Variants in SCAMP1 observed in about 807,000 individuals in gnomAD.
SCAMP1 encodes the protein secretory carrier-associated membrane protein 1.
In SCAMP1, 15 loss-of-function variants were observed where a neutral mutation model predicts 41.8. The observed-to-expected ratio is 0.36, with a 90% CI of 0.24 to 0.55. The LOEUF (loss-of-function observed/expected upper bound fraction) is 0.55. Ranked by LOEUF, SCAMP1 falls within the 20% of genes least tolerant of loss-of-function variation. The pLI, the probability that SCAMP1 is intolerant of heterozygous loss-of-function variation, is 0.86. For synonymous variants in SCAMP1, 135 were observed against 136.8 expected (o/e 0.99, Z 0.09); for missense variants, 341 against 412.6 (o/e 0.83, Z 1.50).
intron 1 of SCAMP1, among the ~76,000 whole-genome samples, chr5:78,366,020 G>T (rs1750786294): frequency 6.6e-6 from 1 of 152,160 alleles, no homozygotes; most frequent in African/African-American, 2.4e-5. Flanking sequence ...TGGAGGCTAG[G>T]AAGTCCAAGA....
chr5:78,450,402 A>G (rs1199638465), intron 7 of SCAMP1, among the ~76,000 whole-genome samples: 2 of 152,222 alleles, frequency 1.3e-5, no homozygotes, highest in Non-Finnish European at 2.9e-5. Context: ...CCTATTATGT[A>G]TAAAGCCCTA....
intron 8 of SCAMP1, among the ~76,000 whole-genome samples, chr5:78,474,910 G>A (rs1412998141): frequency 6.6e-6 from 1 of 152,132 alleles, no homozygotes; most frequent in Non-Finnish European, 1.5e-5. Context: ...TAATCAGTAT[G>A]GAGAAACAAT....
chr5:78,393,096 T>A (rs1751561004), intron 2 of SCAMP1, among the ~76,000 whole-genome samples: 1 of 152,186 alleles, frequency 6.6e-6, no homozygotes, highest in South Asian at 2.1e-4. Context: ...ATTGTTTTCT[T>A]CTGTACTTAA....
Position 78,388,978 on chromosome 5 carries a change from G to A in SCAMP1, c.135+64G>A, listed in dbSNP as rs1751418391. ...TCAGTAGGAATTCTATTTTAACTAT[G>A]ATTTCTTTTTTAGTGGATTGCTTAC... On this transcript the variant is annotated intron_variant, in intron 2 of 8. Transcript: ENST00000621999. 6 of 842,354 alleles carry A rather than the reference G, an allele frequency of 7.1e-6. No homozygotes were observed. The Admixed American group carries it at 1.4e-4, about 20-fold the overall frequency. 52.2% of individuals were successfully genotyped at this position (842,354 alleles called of 1,614,324 possible).
chr5:78,365,755 G>A (rs1019546950), intron 1 of SCAMP1, among the ~76,000 whole-genome samples: 5 of 152,026 alleles, frequency 3.3e-5, no homozygotes, highest in Non-Finnish European at 7.4e-5. Flanking sequence ...TGTCCATTTT[G>A]TTTTGGCCTC....
chr5:78,455,477 C>T (rs1282327613), intron 7 of SCAMP1, among the ~76,000 whole-genome samples: 2 of 130,726 alleles, frequency 1.5e-5, no homozygotes, highest in Non-Finnish European at 3.2e-5. Flanking sequence ...GTTCAGTTTC[C>T]ATGTAGTTGA....
intron 6 of SCAMP1, among the ~76,000 whole-genome samples, chr5:78,422,307 T>G (rs191645513): frequency 4.5e-5 from 5 of 112,270 alleles, no homozygotes; most frequent in African/African-American, 1.8e-4. Flanking sequence ...AAATCCCAAT[T>G]GGTGCTTATG....
intron 8 of SCAMP1, among the ~76,000 whole-genome samples, chr5:78,474,020 T>C (rs1753946758): frequency 6.6e-6 from 1 of 151,926 alleles, no homozygotes; most frequent in African/African-American, 2.4e-5. Flanking sequence ...CTGTGTCCTT[T>C]TGTGATGGAA....
chr5:78,427,031 C>G (rs1010903557), intron 6 of SCAMP1, among the ~76,000 whole-genome samples: 1 of 152,098 alleles, frequency 6.6e-6, no homozygotes, highest in Admixed American at 6.6e-5. Context: ...ATGCATGTGT[C>G]TTAGTTCATA....
At chr5:78,452,127 A>C (rs1753249946) in intron 7 of SCAMP1, among the ~76,000 whole-genome samples, 1 of 152,168 alleles carries the variant, frequency 6.6e-6, no homozygotes, top group South Asian at 2.1e-4. Flanking sequence ...TCTCTGGGAT[A>C]AATGCCCAAG....
chr5:78,437,670 TTC>T (rs1191170418), intron 6 of SCAMP1, among the ~76,000 whole-genome samples: 8 of 152,220 alleles, frequency 5.3e-5, no homozygotes, highest in African/African-American at 1.7e-4. Flanking sequence ...TGGTCTAAAA[TTC>T]TCTTTTTTTG....
chr5:78,476,833 G>C lies in SCAMP1; in HGVS notation c.*1165G>C, dbSNP rs1754016616. 6.6e-6 allele frequency: 1 copy of C among 152,024 alleles called. No individual in the cohort carries two copies. The highest frequency in any genetic ancestry group is 2.4e-5 in the African/African-American group (1 of 41,310). 9.4% of individuals were successfully genotyped at this position (152,024 alleles called of 1,614,324 possible). Reference sequence around the variant, plus strand: ...AAAAAAAGCATTTAACTTGCACCAAGCAAGAAAATATAAATACAGTTAACT... The same window carrying C: ...AAAAAAAGCATTTAACTTGCACCAACCAAGAAAATATAAATACAGTTAACT... On this transcript the variant is annotated 3_prime_UTR_variant, in exon 9 of 9. Coordinates refer to ENST00000621999, the MANE Select transcript of SCAMP1 (RefSeq NM_004866.6).
chr5:78,456,521 C>G (rs1172259128), intron 7 of SCAMP1, among the ~76,000 whole-genome samples: 3 of 151,608 alleles, frequency 2.0e-5, no homozygotes, highest in Non-Finnish European at 4.4e-5. Context: ...CCCCCACTCT[C>G]TTCTGGCTTG....
At chr5:78,396,257 A>G (rs13347328) in intron 2 of SCAMP1, among the ~76,000 whole-genome samples, 57,415 of 151,878 alleles carry the variant, frequency 0.38, 12,706 homozygotes, top group Non-Finnish European at 0.5. Flanking sequence ...GATTTGGGTG[A>G]TGATGATGTG....
chr5:78,388,477 G>T (rs1407090005), intron 1 of SCAMP1, among the ~76,000 whole-genome samples: 2 of 152,192 alleles, frequency 1.3e-5, no homozygotes, highest in Admixed American at 1.3e-4. Flanking sequence ...TTATAAAAAG[G>T]GGGAACGTGA....
At chr5:78,467,587 G>A (rs1753778761) in intron 8 of SCAMP1, among the ~76,000 whole-genome samples, 4 of 152,140 alleles carry the variant, frequency 2.6e-5, no homozygotes, top group African/African-American at 9.7e-5. Context: ...TTTTGTTGTT[G>A]TTGTTGTTTT....
At chr5:78,393,773 C>A (rs1475762357) in intron 2 of SCAMP1, among the ~76,000 whole-genome samples, 1 of 152,050 alleles carries the variant, frequency 6.6e-6, no homozygotes, top group East Asian at 1.9e-4. Flanking sequence ...AGAAATTATC[C>A]TTAAGAATTG....
At chr5:78,391,030 GAA>G (rs1278864674) in intron 2 of SCAMP1, among the ~76,000 whole-genome samples, 2 of 151,812 alleles carry the variant, frequency 1.3e-5, no homozygotes, top group African/African-American at 4.8e-5. Context: ...AGAACAAAAT[GAA>G]AAGTCTCCCA....
chr5:78,471,784 T>C (rs1010944144), intron 8 of SCAMP1, among the ~76,000 whole-genome samples: 56 of 152,166 alleles, frequency 3.7e-4, no homozygotes, highest in African/African-American at 1.3e-3. Flanking sequence ...ATTTAACTTA[T>C]GTTAGTGTAA....
Sources: allele counts gnomAD v4.1 joint callset (sites outside exome capture counted in the v4.1 genomes callset), GRCh38; gene constraint gnomAD v4.1.1; transcripts MANE v1.5; gene names NCBI Gene and HGNC (gene_info 2026-07-23, HGNC 2026-07-21).